The following LCOR variants were observed in gnomAD, a reference collection of about 807,000 sequenced individuals.
The protein encoded by LCOR is ligand dependent nuclear receptor corepressor.
In LCOR, 14 loss-of-function variants were observed where a neutral mutation model predicts 64.4. The observed-to-expected ratio is 0.22, with a 90% confidence interval of 0.14 to 0.34. LCOR has a LOEUF of 0.34. LCOR is among the 10% of genes least tolerant of loss of function. The pLI, the probability that LCOR is intolerant of heterozygous loss-of-function variation, is 1.00. For missense variants in LCOR, 1,686 were observed against 1,765.3 expected (o/e 0.96, Z 0.80); for synonymous variants, 643 against 642.5 (o/e 1.00, Z -0.01).
chr10:96,926,989 A>G (rs1438237529), intron 4 of LCOR, among the ~76,000 whole-genome samples: 1 of 152,020 alleles, frequency 6.6e-6, no homozygotes, highest in African/African-American at 2.4e-5. Context: ...TTAATTGTGT[A>G]CATCTTTTTG....
chr10:96,968,204 T>A (rs1255903902), intron 7 of LCOR, among the ~76,000 whole-genome samples: 1 of 152,216 alleles, frequency 6.6e-6, no homozygotes, highest in Non-Finnish European at 1.5e-5. Flanking sequence ...CATTCTACTT[T>A]TTCATTTTTT....
chr10:96,871,269 C>G (rs1047376530), intron 2 of LCOR, among the ~76,000 whole-genome samples: 2 of 150,912 alleles, frequency 1.3e-5, no homozygotes, highest in African/African-American at 4.9e-5. Flanking sequence ...GTTGCCCAGG[C>G]TAGTCTCAAA....
At chr10:96,888,932 G>A (rs1846392123) in intron 2 of LCOR, among the ~76,000 whole-genome samples, 1 of 152,126 alleles carries the variant, frequency 6.6e-6, no homozygotes, top group African/African-American at 2.4e-5. Context: ...TTTGAGACTG[G>A]CTTCATTCAC....
chr10:96,920,790 ACG>A (rs367624526), intron 4 of LCOR, among the ~76,000 whole-genome samples: 6,990 of 85,176 alleles, frequency 0.082, 425 homozygotes, highest in African/African-American at 0.16. Flanking sequence ...ACACACACAC[ACG>A]CGCGGTGGGG....
intron 2 of LCOR, among the ~76,000 whole-genome samples, chr10:96,850,077 C>T (rs756974384): frequency 7.9e-5 from 12 of 151,986 alleles, no homozygotes; most frequent in African/African-American, 2.9e-4. Context: ...GTATATATGA[C>T]CTGAAAAATA....
At chr10:96,854,724 A>G (rs1845775047) in intron 2 of LCOR, among the ~76,000 whole-genome samples, 1 of 152,228 alleles carries the variant, frequency 6.6e-6, no homozygotes, top group Non-Finnish European at 1.5e-5. Flanking sequence ...ATTTGAAAAG[A>G]GTGATATTCT....
intron 2 of LCOR, among the ~76,000 whole-genome samples, chr10:96,903,435 G>C (rs773724895): frequency 2.6e-5 from 4 of 151,924 alleles, no homozygotes; most frequent in Non-Finnish European, 5.9e-5. Context: ...TGAAGACTGA[G>C]CACCAAGCTC....
chr10:96,952,297 G>GT lies in LCOR; in HGVS notation c.332+102dup, dbSNP rs1347987931. 5.4e-6 allele frequency: 4 copies of GT among 741,920 alleles called. No homozygotes were observed. In the African/African-American group the frequency reaches 7.1e-5, roughly 13 times the overall value. The allele number at this position is 741,920 out of a possible 1,614,324, so 46.0% of individuals were successfully genotyped here. On this transcript the variant is annotated intron_variant, in intron 7 of 7. Transcript: ENST00000421806. Reference sequence around the variant, plus strand: ...ACATTTTAAAAAATAACCCTTCTAAGTAAGTCATTTATAAATATGGACCAT... The same window carrying GT: ...ACATTTTAAAAAATAACCCTTCTAAGTTAAGTCATTTATAAATATGGACCAT...
chr10:96,873,667 A>G (rs778043296), intron 2 of LCOR, among the ~76,000 whole-genome samples: 3 of 148,036 alleles, frequency 2.0e-5, no homozygotes, highest in Non-Finnish European at 4.5e-5. Context: ...CAGTGGTGCA[A>G]TCTCGGCTCA....
intron 4 of LCOR, among the ~76,000 whole-genome samples, chr10:96,916,595 ATATATATATATC>A (rs967938001): frequency 4.7e-5 from 7 of 148,982 alleles, no homozygotes; most frequent in South Asian, 2.1e-4. Flanking sequence ...GGCTATATAT[ATATATATATATC>A]TATATATATG....
chr10:96,945,572 C>G (rs1002880688), intron 5 of LCOR, among the ~76,000 whole-genome samples: 1 of 152,104 alleles, frequency 6.6e-6, no homozygotes, highest in Non-Finnish European at 1.5e-5. Flanking sequence ...TCAAAATAAT[C>G]ATTTTCTTAG....
intron 2 of LCOR, among the ~76,000 whole-genome samples, chr10:96,869,463 C>T (rs778710174): frequency 2.0e-5 from 3 of 152,192 alleles, no homozygotes; most frequent in Non-Finnish European, 2.9e-5. Context: ...AATCTGCCTA[C>T]CTTGGCCTCC....
At chr10:96,910,285 C>G (rs1297269892) in intron 4 of LCOR, among the ~76,000 whole-genome samples, 2 of 152,170 alleles carry the variant, frequency 1.3e-5, no homozygotes, top group South Asian at 2.1e-4. Flanking sequence ...GTTTGTAGTT[C>G]TACAGTTTTT....
At chr10:96,974,501 CTTAT>C (rs1848022401) in intron 7 of LCOR, among the ~76,000 whole-genome samples, 1 of 152,260 alleles carries the variant, frequency 6.6e-6, no homozygotes, top group African/African-American at 2.4e-5. Context: ...TTATAAAGAC[CTTAT>C]TTAGTCAGAT....
chr10:96,890,481 A>G (rs1025061620), intron 2 of LCOR, among the ~76,000 whole-genome samples: 2 of 152,180 alleles, frequency 1.3e-5, no homozygotes, highest in African/African-American at 4.8e-5. Context: ...CTTTAGAATT[A>G]TGTATATATA....
At chr10:96,934,364 A>G (rs1282220774) in intron 4 of LCOR, among the ~76,000 whole-genome samples, 1 of 152,030 alleles carries the variant, frequency 6.6e-6, no homozygotes, top group Non-Finnish European at 1.5e-5. Context: ...TCATTTTTTC[A>G]GTTGTTTATT....
At chr10:96,912,621 TTC>T (rs1255301932) in intron 4 of LCOR, among the ~76,000 whole-genome samples, 3 of 148,922 alleles carry the variant, frequency 2.0e-5, no homozygotes, top group South Asian at 2.1e-4. Context: ...CCTTCCTTCC[TTC>T]CTTCCTTCCT....
chr10:96,978,210 C>T (rs1848053552), intron 7 of LCOR, among the ~76,000 whole-genome samples: 2 of 152,198 alleles, frequency 1.3e-5, no homozygotes, highest in Admixed American at 1.3e-4. Context: ...TTCTGTTGAG[C>T]TCCTTTGTAC....
Position 96,982,778 on chromosome 10 carries a change from TAGAGGG to T in LCOR, c.2324_2329del (p.Gly775_Glu776del). The T allele has an allele frequency of 6.2e-7, 1 of 1,613,948 alleles. No individual in the cohort carries two copies. The highest frequency in any genetic ancestry group is 8.5e-7 in the Non-Finnish European group (1 of 1,179,988). ...GAGGCAGCAGGTGGTATAGGAAAAT[TAGAGGG>T]AGAGGACGGTGATGTAAAATGCCTG... On this transcript the variant is annotated inframe_deletion, in exon 8 of 8. Coordinates refer to ENST00000421806, the MANE Select transcript of LCOR (RefSeq NM_001346516.2).
Sources: gnomAD v4.1 joint callset for allele counts (sites outside exome capture counted in the v4.1 genomes callset) on GRCh38, gnomAD v4.1.1 for gene constraint, MANE v1.5 for transcripts, NCBI Gene and HGNC (gene_info 2026-07-23, HGNC 2026-07-21) for gene names.